Variants in FAM151A observed in about 807,000 individuals in gnomAD.
FAM151A encodes the protein protein FAM151A.
A neutral mutation model predicts 40.4 loss-of-function variants in FAM151A; 41 were observed. The observed-to-expected ratio is 1.01, with a 90% CI of 0.79 to 1.32. The LOEUF is 1.32. Among genes scored for constraint, FAM151A ranks in the 40% most tolerant of loss-of-function variants. The pLI, the probability that FAM151A is intolerant of heterozygous loss-of-function variation, is 0.00. For synonymous variants in FAM151A, 337 were observed against 312.5 expected (o/e 1.08, Z -0.83); for missense variants, 740 against 740.4 (o/e 1.00, Z 0.01).
chr1:54,611,083 C>T, intron 6 of FAM151A: 1 of 927,404 alleles, frequency 1.1e-6, no homozygotes, highest in Non-Finnish European at 1.3e-6. Flanking sequence ...GTATAAATTC[C>T]TGAACTGTTT....
rs539580100 is a variant in FAM151A, at chr1:54,622,231, A to G, written c.118+1047T>C. Among the ~76,000 whole-genome samples, 302 of 141,588 alleles carry G rather than the reference A, an allele frequency of 2.1e-3. 1 individual carries two copies. The highest frequency in any genetic ancestry group is 7.7e-3 in the African/African-American group (293 of 37,882). 92.9% of individuals were successfully genotyped at this position (141,588 alleles called of 152,430 possible). A position where few individuals can be genotyped will look rare whatever the true frequency, so the allele number is the denominator to read the frequency against. On this transcript the variant is annotated intron_variant, in intron 1 of 7. Transcript: ENST00000302250. ...GTGGAGGTTGCAGTGAGCCGATATC[A>G]TGTCACCGCACTCTAGGCTGAGTGA...
In FAM151A at chr1:54,616,166, A is replaced by G. The variant is rs1260783116; in HGVS notation, c.269T>C (p.Ile90Thr). The change falls in exon 3 of 8, where the codon ATC becomes ACC. Residue 90 changes from isoleucine (I) to threonine (T), a missense_variant. Coordinates refer to ENST00000302250, the MANE Select transcript of FAM151A (RefSeq NM_176782.3). The part of the protein sequence containing the change: ...KAMTAALNSN[I>T]TVLEADVNVE... ...ATTGACGTCAGCCTCCAGGACTGTG[A>G]TGTTGCCTGTGGAAGGGGCAACAAC... 1 of 1,613,538 alleles carries G rather than the reference A, an allele frequency of 6.2e-7. No individual in the cohort carries two copies. The highest frequency in any genetic ancestry group is 2.2e-5 in the East Asian group (1 of 44,840).
rs1557667491 is a variant in FAM151A at position 54,609,248 on chromosome 1, G to GACCCACCACCCC, written c.*19_*20insGGGGTGGTGGGT. The GACCCACCACCCC allele has an allele frequency of 2.5e-6, 4 of 1,595,128 alleles. No individual in the cohort carries two copies. In the East Asian group the frequency reaches 9.0e-5, roughly 36 times the overall value. Reference sequence around the variant, plus strand: ...GGAAGCCTCCGCCCTGAGGTCCGCTGGCCCACCACCCCTGGGTGCTCAGTT... The same window carrying GACCCACCACCCC: ...GGAAGCCTCCGCCCTGAGGTCCGCTGACCCACCACCCCGCCCACCACCCCTGGGTGCTCAGTT... On this transcript the variant is annotated 3_prime_UTR_variant, in exon 8 of 8. Transcript: ENST00000302250.
Position 54,611,878 on chromosome 1 carries a change from C to T in FAM151A, c.801-133G>A, listed in dbSNP as rs375013375. 46 of 995,262 alleles carry T rather than the reference C, an allele frequency of 4.6e-5. 1 individual carries two copies. The highest frequency in any genetic ancestry group is 4.0e-4 in the East Asian group (16 of 39,582). 61.7% of individuals were successfully genotyped at this position (995,262 alleles called of 1,614,324 possible). A position where few individuals can be genotyped will look rare whatever the true frequency, so the allele number is the denominator to read the frequency against. ...TCCTCCAGTCGCCCACCTGCCACTT[C>T]TCCCTGAGTCCTACCCCTTCCCAAG... On this transcript the variant is annotated intron_variant, in intron 5 of 7. Coordinates refer to ENST00000302250, the MANE Select transcript of FAM151A (RefSeq NM_176782.3).
chr1:54,610,665 A>C, intron 6 of FAM151A, 110 bp from the exon 7 acceptor site: 1 of 1,469,220 alleles, frequency 6.8e-7, no homozygotes, highest in Non-Finnish European at 9.0e-7. Flanking sequence ...TCTAAGCCTC[A>C]TAGCACCCTG....
At position 54,623,341 on chromosome 1, in the gene FAM151A, T is replaced by C. The variant is rs148879347; in HGVS notation, c.55A>G (p.Ile19Val). The C allele has an allele frequency of 1.7e-5, 27 of 1,613,762 alleles. No individual in the cohort carries two copies. Among genetic ancestry groups the C allele is most frequent in the Non-Finnish European group, 2.3e-5 (27 of 1,179,968 alleles). Residue 19 changes from isoleucine (I) to valine (V), a missense_variant, in exon 1 of 8, where the codon ATT (isoleucine) becomes GTT (valine). Coordinates refer to ENST00000302250, the MANE Select transcript of FAM151A (RefSeq NM_176782.3). ...ATGACCACCACAGACACACAGGTAA[T>C]GCCGGCAAACACCCACTTGACCTGA... ...KNQVKWVFAG[I>V]TCVSVVVIAA...
intron 2 of FAM151A, among the ~76,000 whole-genome samples, chr1:54,617,859 G>T (rs918440452): frequency 6.6e-6 from 1 of 151,640 alleles, no homozygotes; most frequent in Non-Finnish European, 1.5e-5. Flanking sequence ...GAGTAGCTGG[G>T]ACTACAGGTA....
Position 54,609,340 on chromosome 1 carries a change from G to T in FAM151A, c.1686C>A (p.Asp562Glu). 6.2e-7 allele frequency: 1 copy of T among 1,614,142 alleles called. No homozygotes were observed. The highest frequency in any genetic ancestry group is 8.5e-7 in the Non-Finnish European group (1 of 1,180,004). ...GTAGCCTGTAGTAGACTCGGGTCCT[G>T]TCCACAGCCCTAGCTGCCAGCAATG... ...RTALLAARAV[D>E]RTRVYYRLPQ... Residue 562 changes from aspartate (D) to glutamate (E), a missense_variant, in exon 8 of 8, where the codon GAC becomes GAA. Transcript: ENST00000302250.
At position 54,623,036 on chromosome 1, in the gene FAM151A, C is replaced by T. The variant is rs369701043; in HGVS notation, c.118+242G>A. 1.4e-3 allele frequency among the ~76,000 whole-genome samples: 214 copies of T among 151,638 alleles called. 2 individuals carry two copies. The highest frequency in any genetic ancestry group is 0.013 in the East Asian group (67 of 5,090). ...CTAAAATTACAAAAAATTAGCTGGG[C>T]GTGGTGGCGGGTGCCTGTAATCCCA... On this transcript the variant is annotated intron_variant, in intron 1 of 7. Transcript: ENST00000302250.
At position 54,611,751 on chromosome 1, in the gene FAM151A, G is replaced by A. The variant is rs1553165433; in HGVS notation, c.801-6C>T. On this transcript the variant is annotated splice_region_variant and splice_polypyrimidine_tract_variant and intron_variant, in intron 5 of 7. Coordinates refer to ENST00000302250, the MANE Select transcript of FAM151A (RefSeq NM_176782.3). ...GCCACAGCGTCAGGCTGTACCTGGG[G>A]ACACGAGAGCTGGCTCAGTGCCTGT... The A allele has an allele frequency of 6.2e-7, 1 of 1,613,968 alleles. No homozygotes were observed. The highest frequency in any genetic ancestry group is 8.5e-7 in the Non-Finnish European group (1 of 1,179,932).
chr1:54,609,928 C>G lies in FAM151A; in HGVS notation c.1098G>C (p.Met366Ile). 6.2e-7 allele frequency: 1 copy of G among 1,605,540 alleles called. No homozygotes were observed. The highest frequency in any genetic ancestry group is 8.5e-7 in the Non-Finnish European group (1 of 1,178,782). ...CCTCGAGGCCAGTGTTCAGCAGGAT[C>G]ATGCCTTCTGTGTCTGGAAGAGGCG... Reference protein sequence around the residue: ...ATMTLPDTEGMILLNTGLEGT... With the variant: ...ATMTLPDTEGIILLNTGLEGT... The change falls in exon 8 of 8, where the codon ATG becomes ATC. Residue 366 changes from methionine to isoleucine, a missense_variant. Transcript: ENST00000302250.
chr1:54,616,843 G>A (rs998515053), intron 2 of FAM151A, among the ~76,000 whole-genome samples: 4 of 152,172 alleles, frequency 2.6e-5, no homozygotes, highest in Non-Finnish European at 1.5e-5. Context: ...CTACTATGTA[G>A]TTGATCATCC....
At chr1:54,610,034 G>C in intron 7 of FAM151A, 93 bp from the exon 8 acceptor site, 1 of 1,473,602 alleles carries the variant, frequency 6.8e-7, no homozygotes, top group Non-Finnish European at 9.0e-7. Context: ...GAGTTATGGG[G>C]TCATCAAGGA....
chr1:54,615,932 G>T, intron 3 of FAM151A, 88 bp downstream of exon 3: 1 of 1,391,164 alleles, frequency 7.2e-7, no homozygotes, highest in South Asian at 1.2e-5. Flanking sequence ...GTCAGGGCTG[G>T]ACTTGCTTCC....
chr1:54,617,525 T>C (rs1033025173), intron 2 of FAM151A, among the ~76,000 whole-genome samples: 3 of 151,762 alleles, frequency 2.0e-5, no homozygotes, highest in Non-Finnish European at 4.4e-5. Context: ...CCAAACTCTT[T>C]ATCATAGTCT....
intron 2 of FAM151A, among the ~76,000 whole-genome samples, chr1:54,619,041 A>G (rs1229573053): frequency 1.3e-5 from 2 of 152,142 alleles, no homozygotes; most frequent in Non-Finnish European, 2.9e-5. Flanking sequence ...TGGTCATTCT[A>G]CCAGCCCTCA....
chr1:54,612,827 G>A, intron 4 of FAM151A, 117 bp from the exon 5 acceptor site: 1 of 728,996 alleles, frequency 1.4e-6, no homozygotes, highest in South Asian at 1.8e-5. Flanking sequence ...GATAAGGTCA[G>A]AAGCAGAGTC....
At position 54,620,021 on chromosome 1, in the gene FAM151A, C is replaced by CA. The variant is rs777716455; in HGVS notation, c.119-15dup. 6.2e-7 allele frequency: 1 copy of CA among 1,612,976 alleles called. No individual in the cohort carries two copies. Among genetic ancestry groups the CA allele is most frequent in the South Asian group, 1.1e-5 (1 of 91,026 alleles). On this transcript the variant is annotated splice_polypyrimidine_tract_variant and intron_variant, in intron 1 of 7. Coordinates refer to ENST00000302250, the MANE Select transcript of FAM151A (RefSeq NM_176782.3). ...CCAGCTCACAGCCTGGAAGGAATCC[C>CA]AAGGGGCTGTTAGCGTCTGTCCTCG...
chr1:54,620,297 G>A (rs1050596034), intron 1 of FAM151A, among the ~76,000 whole-genome samples: 10 of 152,234 alleles, frequency 6.6e-5, no homozygotes, highest in African/African-American at 1.9e-4. Flanking sequence ...CACAGACAAG[G>A]GAGAATAGGT....
Sources: gnomAD v4.1 joint callset for allele counts (sites outside exome capture counted in the v4.1 genomes callset) on GRCh38, gnomAD v4.1.1 for gene constraint, MANE v1.5 for transcripts, NCBI Gene and HGNC (gene_info 2026-07-23, HGNC 2026-07-21) for gene names.